Variants in ARHGAP24 observed in about 807,000 individuals in gnomAD.
ARHGAP24 encodes the protein rho GTPase-activating protein 24.
A neutral mutation model predicts 76.4 loss-of-function variants in ARHGAP24; 50 were observed. The ratio of observed to expected loss-of-function variants is 0.65; its 90% CI spans 0.52 to 0.83. The LOEUF is 0.83. ARHGAP24 is among the 40% of genes least tolerant of loss of function. ARHGAP24 has a pLI of 0.00. For synonymous variants in ARHGAP24, 345 were observed against 323.3 expected, an observed-to-expected ratio of 1.07 and a Z score of -0.72; for missense variants, 930 against 914.2, an observed-to-expected ratio of 1.02 and a Z score of -0.22.
intron 3 of ARHGAP24, among the ~76,000 whole-genome samples, chr4:85,846,913 A>G (rs185923575): frequency 6.6e-6 from 1 of 152,354 alleles, no homozygotes; most frequent in African/African-American, 2.4e-5. Flanking sequence ...CTGCCAGCTT[A>G]TAACTCAACT....
In ARHGAP24 at chr4:85,633,797, G is replaced by C. The variant is rs532643148; in HGVS notation, c.180+63076G>C. 2.2e-4 allele frequency among the ~76,000 whole-genome samples: 33 copies of C among 151,930 alleles called. No homozygotes were observed. The South Asian group carries it at 4.1e-3, about 19-fold the overall frequency. ...ACTTGCTTCCTGAAATATTTCGGGAGCCTGATTTCTCCTCTCTAAAGTTAA... is the reference window on the plus strand; with the variant it reads ...ACTTGCTTCCTGAAATATTTCGGGACCCTGATTTCTCCTCTCTAAAGTTAA... On this transcript the variant is annotated intron_variant, in intron 2 of 9. Transcript: ENST00000395184.
At chr4:85,957,361 C>T (rs1459951783) in intron 5 of ARHGAP24, among the ~76,000 whole-genome samples, 2 of 152,132 alleles carry the variant, frequency 1.3e-5, no homozygotes, top group Non-Finnish European at 2.9e-5. Flanking sequence ...GTAACATAAG[C>T]ACAATGACAA....
intron 8 of ARHGAP24, among the ~76,000 whole-genome samples, chr4:85,978,635 T>C (rs1739471127): frequency 6.6e-6 from 1 of 152,150 alleles, no homozygotes; most frequent in African/African-American, 2.4e-5. Context: ...AGCTTGGAGA[T>C]ACATTAGTCC....
chr4:85,631,876 C>T (rs935575100), intron 2 of ARHGAP24, among the ~76,000 whole-genome samples: 3 of 151,886 alleles, frequency 2.0e-5, no homozygotes, highest in Non-Finnish European at 4.4e-5. Context: ...TGATTTTTAG[C>T]CCCTTAAAAA....
In ARHGAP24 at chr4:86,000,619, A is replaced by G. The variant is rs149975948; in HGVS notation, c.2144A>G (p.Asn715Ser). The G allele has an allele frequency of 2.5e-5, 41 of 1,613,984 alleles. No individual in the cohort carries two copies. Among genetic ancestry groups the G allele is most frequent in the Non-Finnish European group, 3.3e-5 (39 of 1,179,982 alleles). Residue 715 changes from asparagine to serine, a missense_variant, in exon 10 of 10, where the codon AAT becomes AGT. Asn to Ser is a conservative substitution (Grantham distance 46). Transcript: ENST00000395184. ...ERAKEDAEKRNDMLQKEMEQF... is the reference protein window; with the variant it reads ...ERAKEDAEKRSDMLQKEMEQF... ...GCAAAAGAAGATGCCGAGAAAAGAA[A>G]TGACATGCTACAGAAAGAAATGGAG...
chr4:85,537,838 G>C (rs1311091544), intron 1 of ARHGAP24, among the ~76,000 whole-genome samples: 3 of 152,152 alleles, frequency 2.0e-5, no homozygotes, highest in South Asian at 2.1e-4. Flanking sequence ...TTCAGAGAAA[G>C]CCCAGATATG....
chr4:85,735,232 A>G (rs1725561575), intron 3 of ARHGAP24, among the ~76,000 whole-genome samples: 1 of 152,218 alleles, frequency 6.6e-6, no homozygotes, highest in South Asian at 2.1e-4. Flanking sequence ...AAATATGAAC[A>G]TACGATCATG....
intron 1 of ARHGAP24, among the ~76,000 whole-genome samples, chr4:85,516,613 C>T (rs1578196990): frequency 1.4e-5 from 2 of 146,142 alleles, no homozygotes; most frequent in African/African-American, 2.5e-5. Flanking sequence ...TGTATTTCAT[C>T]TTTTTTTTTT....
At chr4:85,955,918 C>A (rs996293376) in intron 5 of ARHGAP24, among the ~76,000 whole-genome samples, 4 of 152,144 alleles carry the variant, frequency 2.6e-5, no homozygotes, top group Non-Finnish European at 5.9e-5. Flanking sequence ...TTCAAGACAG[C>A]CTGAAAGATA....
intron 2 of ARHGAP24, among the ~76,000 whole-genome samples, chr4:85,636,725 A>G (rs761261389): frequency 6.6e-6 from 1 of 152,002 alleles, no homozygotes; most frequent in Non-Finnish European, 1.5e-5. Context: ...CTTGTGACCC[A>G]TTGCAAGTCT....
intron 9 of ARHGAP24, among the ~76,000 whole-genome samples, chr4:85,999,438 T>A (rs1220772542): frequency 3.3e-5 from 5 of 152,206 alleles, no homozygotes; most frequent in Non-Finnish European, 2.9e-5. Context: ...AATATCAACA[T>A]GTGGGGATCA....
intron 4 of ARHGAP24, among the ~76,000 whole-genome samples, chr4:85,925,507 T>C (rs10007847): frequency 0.16 from 24,109 of 152,252 alleles, 2,169 homozygotes; most frequent in South Asian, 0.34. Context: ...AAAAAAAAAG[T>C]TGTATGCTAA....
chr4:85,865,576 T>C (rs888838789), intron 3 of ARHGAP24, among the ~76,000 whole-genome samples: 5 of 148,006 alleles, frequency 3.4e-5, no homozygotes, highest in Non-Finnish European at 6.0e-5. Flanking sequence ...ATATAAATAA[T>C]AAATAATTTT....
intron 2 of ARHGAP24, among the ~76,000 whole-genome samples, chr4:85,686,421 C>A (rs892339720): frequency 3.9e-5 from 6 of 152,126 alleles, no homozygotes; most frequent in Admixed American, 1.3e-4. Flanking sequence ...GTCTCAAGAA[C>A]TTTATTTGTA....
chr4:85,634,971 C>T (rs1345702327), intron 2 of ARHGAP24, among the ~76,000 whole-genome samples: 1 of 151,890 alleles, frequency 6.6e-6, no homozygotes, highest in Non-Finnish European at 1.5e-5. Flanking sequence ...TAGATGTATA[C>T]ATCTTCAGAT....
chr4:85,654,936 A>C (rs2109985115), intron 2 of ARHGAP24, among the ~76,000 whole-genome samples: 1 of 152,342 alleles, frequency 6.6e-6, no homozygotes, highest in Admixed American at 6.5e-5. Context: ...ACTCTTACAA[A>C]GTAAGTAGTG....
In ARHGAP24 at chr4:85,850,337, C is replaced by T. The variant is rs530387556; in HGVS notation, c.269-73311C>T. On this transcript the variant is annotated intron_variant, in intron 3 of 9. Transcript: ENST00000395184. ...TATTGCATCTATTTGATTCTTCTCTCTTTTCTTCTTTATTAGTCTTGCTAG... is the reference window on the plus strand; with the variant it reads ...TATTGCATCTATTTGATTCTTCTCTTTTTTCTTCTTTATTAGTCTTGCTAG... Among the ~76,000 whole-genome samples, 197 of 152,212 alleles carry T rather than the reference C, an allele frequency of 1.3e-3. 1 individual carries two copies. Among genetic ancestry groups the T allele is most frequent in the African/African-American group, 4.6e-3 (191 of 41,530 alleles).
intron 2 of ARHGAP24, among the ~76,000 whole-genome samples, chr4:85,620,174 A>G: frequency 6.6e-6 from 1 of 151,952 alleles, no homozygotes. Context: ...GCCTCATAAT[A>G]TGAGTTTGGA....
chr4:85,645,343 G>A (rs1721683015), intron 2 of ARHGAP24, among the ~76,000 whole-genome samples: 4 of 151,994 alleles, frequency 2.6e-5, no homozygotes, highest in South Asian at 2.1e-4. Context: ...AATGGAATTC[G>A]GTCCTAGATC....
Sources: gnomAD v4.1 joint callset for allele counts (sites outside exome capture counted in the v4.1 genomes callset) on GRCh38, gnomAD v4.1.1 for gene constraint, MANE v1.5 for transcripts, NCBI Gene and HGNC (gene_info 2026-07-23, HGNC 2026-07-21) for gene names.